MTRF1: variants seen among roughly 807,000 people sequenced by gnomAD.
MTRF1 encodes the protein peptide chain release factor 1, mitochondrial.
Under a neutral mutation model 62.9 loss-of-function variants are expected in MTRF1, and 51 were observed. That is an observed-to-expected ratio of 0.81 (90% CI 0.65 to 1.02). The LOEUF (loss-of-function observed/expected upper bound fraction) is 1.02, where lower values mean the gene tolerates loss of function less well. Among genes scored for constraint, MTRF1 ranks in the 50% least tolerant of loss-of-function variants. MTRF1 has a pLI of 0.00. For missense variants in MTRF1, 446 were observed against 530.0 expected (o/e 0.84, Z 1.56); for synonymous variants, 158 against 181.9 (o/e 0.87, Z 1.06).
At position 41,226,895 on chromosome 13, in the gene MTRF1, G is replaced by A. The variant is rs918976614; in HGVS notation, c.989-327C>T. ...GCAGCTCAACAAACAGCAAACTACT[G>A]CTACTCCCTATACTGCGCTGCTCCA... On this transcript the variant is annotated intron_variant, in intron 7 of 9. Transcript: ENST00000379480. 2.0e-5 allele frequency among the ~76,000 whole-genome samples: 3 copies of A among 152,144 alleles called. 1 individual carries two copies. Among genetic ancestry groups the A allele is most frequent in the African/African-American group, 7.2e-5 (3 of 41,422 alleles).
At chr13:41,246,965 A>G (rs1333213971) in intron 5 of MTRF1, among the ~76,000 whole-genome samples, 2 of 152,228 alleles carry the variant, frequency 1.3e-5, no homozygotes, top group Non-Finnish European at 2.9e-5. Flanking sequence ...TGTGTAAATA[A>G]TAATAGTATA....
chr13:41,264,446 C>T (rs188688340), upstream of MTRF1, among the ~76,000 whole-genome samples: 2 of 152,302 alleles, frequency 1.3e-5, no homozygotes, highest in Admixed American at 6.5e-5. Context: ...CCTTGGCTAT[C>T]GCAATTTACA....
chr13:41,221,830 T>TACC (rs4053777), intron 9 of MTRF1, among the ~76,000 whole-genome samples: 107,779 of 151,752 alleles, frequency 0.71, 38,529 homozygotes, highest in African/African-American at 0.72. Context: ...TTGTCACTAC[T>TACC]AGAAAAACAA....
intron 5 of MTRF1, among the ~76,000 whole-genome samples, chr13:41,243,280 G>T (rs577540167): frequency 6.6e-6 from 1 of 151,470 alleles, no homozygotes; most frequent in African/African-American, 2.4e-5. Flanking sequence ...GTGGTGGCAC[G>T]TGTCTGTAGT....
chr13:41,254,070 A>ATT (rs1383351990), intron 3 of MTRF1, among the ~76,000 whole-genome samples: 1 of 152,226 alleles, frequency 6.6e-6, no homozygotes. Flanking sequence ...AACCCTGAGA[A>ATT]GCTCCAGTAT....
At chr13:41,286,385 A>C in the MTRF1 span, among the ~76,000 whole-genome samples, 2 of 152,294 alleles carry the variant, frequency 1.3e-5, no homozygotes, top group Admixed American at 1.3e-4. Context: ...ACCAAGATAG[A>C]AAATAGGTCT....
chr13:41,311,317 G>C, the MTRF1 span: 1 of 554,778 alleles, frequency 1.8e-6, no homozygotes, highest in African/African-American at 2.0e-5. Flanking sequence ...GCGGAGCCCA[G>C]GGGAAGCGTG....
intron 9 of MTRF1, among the ~76,000 whole-genome samples, chr13:41,218,025 GAGAC>G (rs1185569058): frequency 6.6e-6 from 1 of 152,220 alleles, no homozygotes; most frequent in Non-Finnish European, 1.5e-5. Context: ...GGTTTATAGA[GAGAC>G]AGAGGAAATG....
At chr13:41,253,587 AC>A (rs1247723278) in intron 3 of MTRF1, among the ~76,000 whole-genome samples, 1 of 152,218 alleles carries the variant, frequency 6.6e-6, no homozygotes, top group Non-Finnish European at 1.5e-5. Context: ...AAAGAAAGTA[AC>A]CGACATTCCT....
intron 8 of MTRF1, among the ~76,000 whole-genome samples, chr13:41,225,711 A>C (rs574810632): frequency 6.6e-6 from 1 of 151,312 alleles, no homozygotes; most frequent in Admixed American, 6.6e-5. Flanking sequence ...CAGGAGGCTG[A>C]GGCAGGAGAA....
At chr13:41,264,764 T>TA (rs2040785039), upstream of MTRF1, among the ~76,000 whole-genome samples, 1 of 152,104 alleles carries the variant, frequency 6.6e-6, no homozygotes, top group Non-Finnish European at 1.5e-5. Flanking sequence ...TACTCCAAGG[T>TA]AAAAAACAGT....
At chr13:41,217,343 T>G in intron 9 of MTRF1, 115 bp from the exon 10 acceptor site, 1 of 576,262 alleles carries the variant, frequency 1.7e-6, no homozygotes, top group Non-Finnish European at 3.1e-6. Flanking sequence ...AAAGGATTAC[T>G]AATGTTCTGT....
At chr13:41,302,864 G>T in the MTRF1 span, among the ~76,000 whole-genome samples, 4 of 152,290 alleles carry the variant, frequency 2.6e-5, no homozygotes, top group African/African-American at 9.6e-5. Context: ...TTGAGAATAA[G>T]AAAGAGCAGT....
chr13:41,298,798 C>T, the MTRF1 span, among the ~76,000 whole-genome samples: 1 of 152,030 alleles, frequency 6.6e-6, no homozygotes, highest in Non-Finnish European at 1.5e-5. Flanking sequence ...CTAATGAACA[C>T]AAGGTATTTC....
At chr13:41,245,914 T>C (rs2038183975) in intron 5 of MTRF1, among the ~76,000 whole-genome samples, 1 of 152,170 alleles carries the variant, frequency 6.6e-6, no homozygotes, top group Admixed American at 6.5e-5. Context: ...CTGCTCAACT[T>C]TGATTCTCCT....
intron 5 of MTRF1, among the ~76,000 whole-genome samples, chr13:41,249,619 C>CTTTTTTTTTTTTTTTTTTT (rs1166204914): frequency 9.8e-5 from 6 of 61,532 alleles, no homozygotes; most frequent in East Asian, 6.4e-4. Context: ...ATTTTTTTTT[C>CTTTTTTTTTTTTTTTTTTT]TTTTTTTTTT....
At chr13:41,234,371 G>T (rs1021342349) in intron 6 of MTRF1, among the ~76,000 whole-genome samples, 6 of 152,158 alleles carry the variant, frequency 3.9e-5, no homozygotes, top group African/African-American at 1.2e-4. Flanking sequence ...TACAGATGGG[G>T]TCTTGCTATT....
the MTRF1 span, among the ~76,000 whole-genome samples, chr13:41,279,005 T>C: frequency 2.6e-5 from 4 of 152,212 alleles, no homozygotes; most frequent in Admixed American, 6.5e-5. Context: ...TTATTTTTTT[T>C]GAGATGAAGT....
At chr13:41,247,761 T>TG (rs1392088174) in intron 5 of MTRF1, among the ~76,000 whole-genome samples, 1 of 152,156 alleles carries the variant, frequency 6.6e-6, no homozygotes, top group East Asian at 1.9e-4. Context: ...AGTGTGGGGA[T>TG]TCTACCAGCT....
Sources: allele counts gnomAD v4.1 joint callset (sites outside exome capture counted in the v4.1 genomes callset), GRCh38; gene constraint gnomAD v4.1.1; transcripts MANE v1.5; gene names NCBI Gene and HGNC (gene_info 2026-07-23, HGNC 2026-07-21).